Variants in COL3A1 observed in about 807,000 individuals in gnomAD.
The protein encoded by COL3A1 is collagen alpha-1(III) chain.
Under a neutral mutation model 200.9 loss-of-function variants are expected in COL3A1, and 46 were observed. The ratio of observed to expected loss-of-function variants is 0.23; its 90% confidence interval spans 0.18 to 0.29. COL3A1 has a LOEUF of 0.29. Ranked by LOEUF, COL3A1 falls within the 10% of genes least tolerant of loss-of-function variation. The pLI, the probability that COL3A1 is intolerant of heterozygous loss-of-function variation, is 1.00. For missense variants in COL3A1, 1,367 were observed against 1,917.6 expected (o/e 0.71, Z 5.36); for synonymous variants, 650 against 628.0 (o/e 1.03, Z -0.52).
chr2:189,010,916 G>T (rs759968880), intron 50 of COL3A1, 26 bp downstream of exon 50: 4 of 1,613,714 alleles, frequency 2.5e-6, no homozygotes, highest in South Asian at 2.2e-5. Context: ...CTCAATATAG[G>T]TCATAAAGCA....
In COL3A1 at chr2:189,003,731, C is replaced by A; in HGVS notation, c.2608-3C>A. 1 of 1,613,900 alleles carries A rather than the reference C, an allele frequency of 6.2e-7. No homozygotes were observed. Among genetic ancestry groups the A allele is most frequent in the Non-Finnish European group, 8.5e-7 (1 of 1,179,898 alleles). Reference sequence around the variant, plus strand: ...AATTCAAAAATATATTACCATTTCACAGGGTGCTGCTGGCTTCCCTGGTGC... The same window carrying A: ...AATTCAAAAATATATTACCATTTCAAAGGGTGCTGCTGGCTTCCCTGGTGC... On this transcript the variant is annotated splice_polypyrimidine_tract_variant and splice_region_variant and intron_variant, in intron 37 of 50. Coordinates refer to ENST00000304636, the MANE Select transcript of COL3A1 (RefSeq NM_000090.4).
chr2:189,005,002 T>A (rs1042133435), intron 40 of COL3A1, among the ~76,000 whole-genome samples: 3 of 152,220 alleles, frequency 2.0e-5, no homozygotes, highest in African/African-American at 7.2e-5. Context: ...ACAAATAACC[T>A]AATTTTAAGG....
At chr2:188,993,828 A>G (rs1688238569) in intron 16 of COL3A1, among the ~76,000 whole-genome samples, 1 of 152,216 alleles carries the variant, frequency 6.6e-6, no homozygotes, top group South Asian at 2.1e-4. Flanking sequence ...TCATTTAATA[A>G]TTTATACGAA....
At chr2:189,003,664 T>C in intron 37 of COL3A1, 70 bp from the exon 38 acceptor site, 1 of 1,530,148 alleles carries the variant, frequency 6.5e-7, no homozygotes, top group Non-Finnish European at 9.1e-7. Flanking sequence ...TGCCACACAT[T>C]ATACTTTTTG....
intron 40 of COL3A1, 117 bp downstream of exon 40, chr2:189,004,481 A>AT (rs532504977): frequency 2.5e-4 from 226 of 904,810 alleles, no homozygotes; most frequent in African/African-American, 7.0e-4. Context: ...CCAGGAGATA[A>AT]TTTTTTTTTA....
chr2:188,984,674 C>A, intron 1 of COL3A1, 86 bp from the exon 2 acceptor site: 1 of 1,148,780 alleles, frequency 8.7e-7, no homozygotes, highest in Non-Finnish European at 1.3e-6. Context: ...TCAACTTTGG[C>A]TATTGTTAAT....
At chr2:189,001,511 A>C in intron 33 of COL3A1, 25 bp from the exon 34 acceptor site, 1 of 1,614,190 alleles carries the variant, frequency 6.2e-7, no homozygotes, top group Non-Finnish European at 8.5e-7. Flanking sequence ...GATGCAAGAC[A>C]GTGACATGGC....
rs758567906 is a variant in COL3A1, at chr2:188,994,708, C to CTT, written c.1348-5_1348-4dup. ...AGTCATAATTTCTTTATTTTACCAT[C>CTT]TTTTTTTTTTTTCAGGGTGAGGCTG... On this transcript the variant is annotated splice_polypyrimidine_tract_variant and intron_variant, in intron 19 of 50. Coordinates refer to ENST00000304636, the MANE Select transcript of COL3A1 (RefSeq NM_000090.4). This position sits in a 1 kb window ranked among gnomAD's most constrained non-coding sequence, Gnocchi z 4.5. 1.2e-4 allele frequency: 159 copies of CTT among 1,350,116 alleles called. No homozygotes were observed. In the African/African-American group the frequency reaches 1.5e-3, roughly 13 times the overall value. 83.6% of individuals were successfully genotyped at this position (1,350,116 alleles called of 1,614,324 possible). A position where few individuals can be genotyped will look rare whatever the true frequency, so the allele number is the denominator to read the frequency against.
At chr2:188,989,847 A>G (rs866823756) in intron 8 of COL3A1, among the ~76,000 whole-genome samples, 1 of 152,236 alleles carries the variant, frequency 6.6e-6, no homozygotes, top group Non-Finnish European at 1.5e-5. Context: ...TCCAATGGCA[A>G]ATTCTTTTCA....
chr2:189,005,716 C>A, intron 41 of COL3A1: 2 of 436,546 alleles, frequency 4.6e-6, no homozygotes, highest in South Asian at 2.3e-5. Flanking sequence ...TGGGGAGAAC[C>A]ACAATTGACA....
At chr2:188,979,768 C>A (rs891970878) in intron 1 of COL3A1, among the ~76,000 whole-genome samples, 2 of 151,662 alleles carry the variant, frequency 1.3e-5, no homozygotes, top group Non-Finnish European at 3.0e-5. Flanking sequence ...CTTCTTTAAT[C>A]GTACTCAGTT....
intron 29 of COL3A1, 25 bp downstream of exon 29, chr2:188,998,743 C>T (rs1171704256): frequency 6.2e-7 from 1 of 1,609,132 alleles, no homozygotes; most frequent in Admixed American, 1.7e-5. Context: ...TATTCTCTAC[C>T]TTCTTCAGCA....
At chr2:188,988,476 C>A in intron 6 of COL3A1, 114 bp from the exon 7 acceptor site, 1 of 752,504 alleles carries the variant, frequency 1.3e-6, no homozygotes, top group Non-Finnish European at 2.3e-6. Context: ...TATTTATAAA[C>A]TGGAGTAAAA....
chr2:188,995,857 C>A, intron 22 of COL3A1, 67 bp downstream of exon 22: 1 of 1,337,868 alleles, frequency 7.5e-7, no homozygotes, highest in Non-Finnish European at 1.0e-6. Context: ...CAAATGAAGA[C>A]AGATCAAAAG....
At chr2:188,989,108 A>G (rs2153501833) in intron 7 of COL3A1, among the ~76,000 whole-genome samples, 1 of 147,014 alleles carries the variant, frequency 6.8e-6, no homozygotes, top group South Asian at 2.1e-4. Flanking sequence ...ATTTCATGAC[A>G]TTTAGAAATA....
Position 189,011,738 on chromosome 2 carries a change from A to T in COL3A1, c.4365A>T (p.Glu1455Asp). 1 of 1,614,034 alleles carries T rather than the reference A, an allele frequency of 6.2e-7. No individual in the cohort carries two copies. Among genetic ancestry groups the T allele is most frequent in the East Asian group, 2.2e-5 (1 of 44,876 alleles). ...APYDIGGPDQ[E>D]FGVDVGPVCF... ...ATGACATTGGTGGTCCTGATCAAGA[A>T]TTTGGTGTGGACGTTGGCCCTGTTT... Residue 1455 changes from glutamate (E) to aspartate (D), a missense_variant, in exon 51 of 51, where the codon GAA (glutamate) becomes GAT (aspartate). By Grantham distance (45) the Glu-to-Asp change is conservative (BLOSUM62 2). This residue lies in a region of COL3A1 where 846 missense variants were observed against 1,147.9 expected (regional missense o/e 0.74). Coordinates refer to ENST00000304636, the MANE Select transcript of COL3A1 (RefSeq NM_000090.4).
intron 23 of COL3A1, 92 bp downstream of exon 23, chr2:188,996,270 GTATATATATATA>G (rs770678143): frequency 3.0e-6 from 2 of 668,930 alleles, no homozygotes; most frequent in African/African-American, 5.2e-5. Flanking sequence ...GTGTGTGTGT[GTATATATATATA>G]TGTATATGTA....
intron 48 of COL3A1, 60 bp downstream of exon 48, chr2:189,009,281 T>G: frequency 6.3e-7 from 1 of 1,597,950 alleles, no homozygotes; most frequent in African/African-American, 1.3e-5. Flanking sequence ...CTGCTTAGAT[T>G]AGAATGGGAA....
chr2:189,010,096 A>G, intron 48 of COL3A1, 82 bp from the exon 49 acceptor site: 2 of 1,325,620 alleles, frequency 1.5e-6, no homozygotes, highest in Non-Finnish European at 1.1e-6. Context: ...CAACATTATG[A>G]ATGCCTTTAC....
Sources: gnomAD v4.1 joint callset for allele counts (sites outside exome capture counted in the v4.1 genomes callset) on GRCh38, gnomAD v4.1.1 for gene constraint, gnomAD v4.1.1 regional missense constraint, Gnocchi (gnomAD v3.1) non-coding constraint, MANE v1.5 for transcripts, NCBI Gene and HGNC (gene_info 2026-07-23, HGNC 2026-07-21) for gene names.